The following GANAB variants were observed in gnomAD, a reference collection of about 807,000 sequenced individuals.
GANAB encodes glucosidase II alpha subunit.
A neutral mutation model predicts 129.9 loss-of-function variants in GANAB; 35 were observed. The observed-to-expected ratio is 0.27, with a 90% confidence interval of 0.21 to 0.36. The LOEUF (loss-of-function observed/expected upper bound fraction) is 0.36, where lower values mean the gene tolerates loss of function less well. Among genes scored for constraint, GANAB ranks in the 10% least tolerant of loss-of-function variants. The pLI, the probability that GANAB is intolerant of heterozygous loss-of-function variation, is 1.00. For synonymous variants in GANAB, 482 were observed against 451.8 expected (o/e 1.07, Z -0.85); for missense variants, 939 against 1,221.0 (o/e 0.77, Z 3.44).
Position 62,633,642 on chromosome 11 carries a change from T to C in GANAB, c.561-128A>G, listed in dbSNP as rs1185671251. On this transcript the variant is annotated intron_variant, in intron 5 of 23. Transcript: ENST00000356638. ...GAAGGCATTGGAGGAAGGGACTAAA[T>C]GTTAAAGCTTGGAGAGGGAACCCAC... is the stretch of plus-strand genomic sequence containing the variant. 1.3e-5 allele frequency: 10 copies of C among 771,276 alleles called. No individual in the cohort carries two copies. The Admixed American group carries it at 2.2e-4, about 17-fold the overall frequency. 47.8% of individuals were successfully genotyped at this position (771,276 alleles called of 1,614,324 possible). A position where few individuals can be genotyped will look rare whatever the true frequency, so the allele number is the denominator to read the frequency against.
chr11:62,637,701 C>T (rs979223630), intron 4 of GANAB, among the ~76,000 whole-genome samples: 1 of 151,956 alleles, frequency 6.6e-6, no homozygotes, highest in African/African-American at 2.4e-5. Context: ...AATGAATGAA[C>T]TAGAGCTATA....
At chr11:62,646,527 G>A (rs775346023) in intron 1 of GANAB, 35 bp downstream of exon 1, 53 of 1,610,712 alleles carry the variant, frequency 3.3e-5, no homozygotes, top group Non-Finnish European at 4.3e-5. Context: ...ATCTGGGGGC[G>A]TCCCGGGCGC....
rs766029467 is a variant in GANAB at position 62,630,659 on chromosome 11, G to C, written c.1328C>G (p.Pro443Arg). 1.2e-6 allele frequency: 2 copies of C among 1,614,054 alleles called. No individual in the cohort carries two copies. The highest frequency in any genetic ancestry group is 3.3e-5 in the Admixed American group (2 of 60,006). ...ADGKRYFTWDPSRFPQPRTML... is the reference protein window; with the variant it reads ...ADGKRYFTWDRSRFPQPRTML... ...GGTGCGGGGCTGAGGGAAGCGACTG[G>C]GGTCCCAGGTGAAATACCGCTTGCC... The change falls in exon 11 of 24, where the codon CCC (proline) becomes CGC (arginine). Residue 443 changes from proline to arginine, a missense_variant. By Grantham distance (103) the Pro-to-Arg change is moderately radical. Around this residue, in one of 5 missense-constraint regions of GANAB, gnomAD observed 220 missense variants for 295.9 expected, o/e 0.74. Coordinates refer to ENST00000356638, the MANE Select transcript of GANAB (RefSeq NM_198334.3).
intron 1 of GANAB, among the ~76,000 whole-genome samples, chr11:62,645,910 CT>C (rs1195815945): frequency 6.6e-6 from 1 of 151,750 alleles, no homozygotes; most frequent in Non-Finnish European, 1.5e-5. Flanking sequence ...TGTTTCGAAT[CT>C]TTTTTTTTCC....
chr11:62,631,118 G>A lies in GANAB; in HGVS notation c.1062C>T (p.Arg354=), dbSNP rs200167079. Residue 354 remains arginine, a synonymous_variant, in exon 10 of 24, where the codon CGC becomes CGT. Coordinates refer to ENST00000356638, the MANE Select transcript of GANAB (RefSeq NM_198334.3). The part of the protein sequence containing the change: ...GSGETPQTDV[R]WMSETGIIDV... ...CAATGATGCCAGTCTCTGACATCCAGCGAACATCTGTCTGTGGGGTCTCCC... is the reference window on the plus strand; with the variant it reads ...CAATGATGCCAGTCTCTGACATCCAACGAACATCTGTCTGTGGGGTCTCCC... The A allele has an allele frequency of 2.3e-4, 375 of 1,611,778 alleles. 1 individual carries two copies. Among genetic ancestry groups the A allele is most frequent in the Non-Finnish European group, 9.8e-5 (116 of 1,177,972 alleles).
intron 1 of GANAB, among the ~76,000 whole-genome samples, chr11:62,644,173 A>G (rs181005241): frequency 6.6e-6 from 1 of 151,904 alleles, no homozygotes; most frequent in Admixed American, 6.6e-5. Flanking sequence ...CGAACTCCCA[A>G]CCTCAGGTGA....
Position 62,634,750 on chromosome 11 carries a change from C to G in GANAB, c.560+71G>C, listed in dbSNP as rs371371837. The G allele has an allele frequency of 1.1e-3, 1,445 of 1,270,194 alleles. 3 individuals carry two copies. Among genetic ancestry groups the G allele is most frequent in the Non-Finnish European group, 1.5e-3 (1,323 of 890,916 alleles). 78.7% of individuals were successfully genotyped at this position (1,270,194 alleles called of 1,614,324 possible). A position where few individuals can be genotyped will look rare whatever the true frequency, so the allele number is the denominator to read the frequency against. ...GGCTGTCCCACCACCGTCTCCTCCC[C>G]GTGCCAGACCTCACAACACCCCTAT... On this transcript the variant is annotated intron_variant, in intron 5 of 23. Transcript: ENST00000356638.
chr11:62,638,122 C>T (rs1330635659), intron 4 of GANAB, among the ~76,000 whole-genome samples: 4 of 152,118 alleles, frequency 2.6e-5, no homozygotes, highest in African/African-American at 9.7e-5. Flanking sequence ...GTCAAGGGTA[C>T]AGGACAGTGC....
intron 17 of GANAB, among the ~76,000 whole-genome samples, chr11:62,628,204 A>AC (rs1483805682): frequency 1.4e-4 from 5 of 37,034 alleles, no homozygotes; most frequent in African/African-American, 5.4e-4. Context: ...TCTTCTCAAA[A>AC]CTTTTTTTTT....
At chr11:62,632,421 G>T (rs1943731227) in intron 9 of GANAB, 144 bp downstream of exon 9, 1 of 665,314 alleles carries the variant, frequency 1.5e-6, no homozygotes, top group Non-Finnish European at 2.7e-6. Context: ...ACCTGGGAGT[G>T]ATTAGGGAAC....
rs772894334 is a variant in GANAB, at chr11:62,630,776, C to T, written c.1211G>A (p.Arg404Gln). The T allele has an allele frequency of 2.8e-5, 45 of 1,614,038 alleles. No homozygotes were observed. The highest frequency in any genetic ancestry group is 3.6e-5 in the Non-Finnish European group (42 of 1,180,038). Reference protein sequence around the residue: ...LGYHQSRWNYRDEADVLEVDQ... With the variant: ...LGYHQSRWNYQDEADVLEVDQ... ...CACTTCCAGCACATCAGCCTCGTCC[C>T]GGTAGTTCCAACGGCTCTGGTGGTA... The change falls in exon 11 of 24, where the codon CGG becomes CAG. Residue 404 changes from arginine (R) to glutamine (Q), a missense_variant. Physicochemically the swap from Arg to Gln is conservative, Grantham distance 43. This residue lies in a region of GANAB where 220 missense variants were observed against 295.9 expected (regional missense o/e 0.74). Transcript: ENST00000356638.
At chr11:62,638,404 G>A (rs540234699) in intron 4 of GANAB, among the ~76,000 whole-genome samples, 9 of 152,036 alleles carry the variant, frequency 5.9e-5, no homozygotes, top group Non-Finnish European at 1.2e-4. Flanking sequence ...TGCCCACCTC[G>A]ACCTCCCAAA....
rs1185113204 is a variant in GANAB, at chr11:62,629,832, G to A, written c.1719C>T (p.Asn573=). Residue 573 remains asparagine, a synonymous_variant, in exon 14 of 24, where the codon AAC becomes AAT. Coordinates refer to ENST00000356638, the MANE Select transcript of GANAB (RefSeq NM_198334.3). ...YGGWEHRDVH[N]IYGLYVHMAT... ...CCCTTACCACATAAAGGCCATAGAT[G>A]TTATGCACATCCCGGTGCTCCCAGC... The A allele has an allele frequency of 6.2e-7, 1 of 1,614,182 alleles. No homozygotes were observed. Among genetic ancestry groups the A allele is most frequent in the Non-Finnish European group, 8.5e-7 (1 of 1,180,036 alleles).
intron 5 of GANAB, chr11:62,634,410 A>T (rs780675169): frequency 2.2e-6 from 3 of 1,372,784 alleles, no homozygotes; most frequent in Non-Finnish European, 3.1e-6. Context: ...GAAGGGGAAA[A>T]AGAGGCACAA....
chr11:62,632,480 A>G (rs1943734205), intron 9 of GANAB, 85 bp downstream of exon 9: 1 of 1,074,860 alleles, frequency 9.3e-7, no homozygotes, highest in Non-Finnish European at 1.4e-6. Flanking sequence ...CCCAGTCCCC[A>G]AATAGCTAAT....
intron 8 of GANAB, 115 bp downstream of exon 8, chr11:62,632,889 TG>T: frequency 2.1e-6 from 2 of 971,458 alleles, no homozygotes. Flanking sequence ...AAGGTGATTC[TG>T]GACACAAGAA....
At chr11:62,629,777 C>T (rs1408039801) in intron 14 of GANAB, 37 bp downstream of exon 14, 3 of 1,612,980 alleles carry the variant, frequency 1.9e-6, no homozygotes, top group Non-Finnish European at 2.5e-6. Context: ...GGGCTGTTTT[C>T]CCTCTTTCCA....
At position 62,639,356 on chromosome 11, in the gene GANAB, G is replaced by A; in HGVS notation, c.252+3C>T. 1 of 1,585,822 alleles carries A rather than the reference G, an allele frequency of 6.3e-7. No homozygotes were observed. Among genetic ancestry groups the A allele is most frequent in the Non-Finnish European group, 8.7e-7 (1 of 1,155,002 alleles). ...CACCAGACTCTTCCTTGTCTCTCCT[G>A]ACCTTGGTGACCTCATGGATCAGAT... On this transcript the variant is annotated splice_donor_region_variant and intron_variant, in intron 3 of 23. Coordinates refer to ENST00000356638, the MANE Select transcript of GANAB (RefSeq NM_198334.3).
intron 1 of GANAB, among the ~76,000 whole-genome samples, chr11:62,646,083 G>A (rs1176008924): frequency 6.6e-6 from 1 of 152,334 alleles, no homozygotes; most frequent in Non-Finnish European, 1.5e-5. Flanking sequence ...CAAGGGCAGA[G>A]GAGGATTCGG....
Sources: gnomAD v4.1 joint callset for allele counts (sites outside exome capture counted in the v4.1 genomes callset) on GRCh38, gnomAD v4.1.1 for gene constraint, gnomAD v4.1.1 regional missense constraint, MANE v1.5 for transcripts, NCBI Gene and HGNC (gene_info 2026-07-23, HGNC 2026-07-21) for gene names.